The following LMBRD1 variants were observed in gnomAD, a reference collection of about 807,000 sequenced individuals.
LMBRD1 encodes lysosomal cobalamin transport escort protein LMBD1.
A neutral mutation model predicts 74.8 loss-of-function variants in LMBRD1; 64 were observed. The ratio of observed to expected loss-of-function variants is 0.86; its 90% CI spans 0.70 to 1.05. The LOEUF is 1.05. LMBRD1 is among the 50% of genes least tolerant of loss of function. LMBRD1 has a pLI of 0.00. For missense variants in LMBRD1, 652 were observed against 645.9 expected (o/e 1.01, Z -0.10); for synonymous variants, 204 against 216.3 (o/e 0.94, Z 0.50).
rs1231643024 is a variant in LMBRD1, at chr6:69,741,382, C to CT, written c.562+406dup. Among the ~76,000 whole-genome samples, 697 of 144,966 alleles carry CT rather than the reference C, an allele frequency of 4.8e-3. 2 individuals carry two copies. Among genetic ancestry groups the CT allele is most frequent in the Admixed American group, 6.7e-3 (97 of 14,500 alleles). On this transcript the variant is annotated intron_variant, in intron 6 of 15. Transcript: ENST00000649934. ...GTTAGAAAAACTGTGGGGTTAAGTT[C>CT]TTTTTTTTTTTTGAGATGGAGTCTC... is the stretch of plus-strand genomic sequence containing the variant.
At chr6:69,692,253 G>C (rs970896045) in intron 14 of LMBRD1, among the ~76,000 whole-genome samples, 4 of 149,488 alleles carry the variant, frequency 2.7e-5, no homozygotes, top group Non-Finnish European at 5.9e-5. Flanking sequence ...TATTGGTCAT[G>C]TGATTATTTT....
At chr6:69,778,759 T>C (rs1765760184) in intron 3 of LMBRD1, among the ~76,000 whole-genome samples, 3 of 152,144 alleles carry the variant, frequency 2.0e-5, no homozygotes. Flanking sequence ...TTATTATATT[T>C]AATATATTCA....
intron 9 of LMBRD1, among the ~76,000 whole-genome samples, chr6:69,704,968 T>A (rs78679649): frequency 0.019 from 2,943 of 152,046 alleles, 100 homozygotes; most frequent in African/African-American, 0.066. Context: ...CTCTTTTTTT[T>A]AAATTTATTA....
At chr6:69,709,789 A>G (rs1305990041) in intron 9 of LMBRD1, among the ~76,000 whole-genome samples, 1 of 152,212 alleles carries the variant, frequency 6.6e-6, no homozygotes. Context: ...ATTAAACAAC[A>G]TAATTTGCAA....
intron 14 of LMBRD1, among the ~76,000 whole-genome samples, chr6:69,681,733 G>C (rs1441766144): frequency 1.3e-5 from 2 of 151,900 alleles, no homozygotes; most frequent in Non-Finnish European, 2.9e-5. Context: ...AGACTATTTA[G>C]AAGCCACTTC....
At chr6:69,795,220 A>G (rs1381280568) in intron 1 of LMBRD1, among the ~76,000 whole-genome samples, 1 of 152,240 alleles carries the variant, frequency 6.6e-6, no homozygotes, top group Non-Finnish European at 1.5e-5. Context: ...GCTTTTATCC[A>G]CGACAACATT....
chr6:69,764,312 A>C (rs930235914), intron 3 of LMBRD1, among the ~76,000 whole-genome samples: 6 of 150,120 alleles, frequency 4.0e-5, no homozygotes, highest in Non-Finnish European at 5.9e-5. Context: ...ACCAGAGTAC[A>C]TGCGCTAGAT....
chr6:69,776,500 T>A (rs986810600), intron 3 of LMBRD1, among the ~76,000 whole-genome samples: 1 of 152,244 alleles, frequency 6.6e-6, no homozygotes, highest in African/African-American at 2.4e-5. Context: ...AAAGTTATCA[T>A]GAATTAGGCA....
Position 69,701,916 on chromosome 6 carries a change from A to G in LMBRD1, c.953T>C (p.Leu318Pro). 6.2e-7 allele frequency: 1 copy of G among 1,601,556 alleles called. No individual in the cohort carries two copies. The highest frequency in any genetic ancestry group is 1.7e-4 in the Middle Eastern group (1 of 6,018). Reference sequence around the variant, plus strand: ...TGACAAGAAGAGAGAAATTACAAACAGCAATGCAACTAAGATGAAAAATAT... The same window carrying G: ...TGACAAGAAGAGAGAAATTACAAACGGCAATGCAACTAAGATGAAAAATAT... Reference protein sequence around the residue: ...WGIFFILVALLFVISLFLSNL... With the variant: ...WGIFFILVALPFVISLFLSNL... Residue 318 changes from leucine (L) to proline (P), a missense_variant, in exon 10 of 16, where the codon CTG becomes CCG. By Grantham distance (98) the Leu-to-Pro change is moderately conservative. Around this residue, in one of 3 missense-constraint regions of LMBRD1, gnomAD observed 598 missense variants for 581.8 expected, o/e 1.03. Coordinates refer to ENST00000649934, the MANE Select transcript of LMBRD1 (RefSeq NM_018368.4).
intron 14 of LMBRD1, among the ~76,000 whole-genome samples, chr6:69,679,043 C>CA (rs34383421): frequency 0.019 from 1,870 of 97,446 alleles, 32 homozygotes; most frequent in East Asian, 0.14. Context: ...CTGGTTAAAA[C>CA]AAAAAAAAAA....
chr6:69,691,354 G>A (rs1765874708), intron 14 of LMBRD1, among the ~76,000 whole-genome samples: 1 of 151,728 alleles, frequency 6.6e-6, no homozygotes, highest in African/African-American at 2.4e-5. Context: ...GATTAAACTA[G>A]CTAGATGACC....
intron 2 of LMBRD1, among the ~76,000 whole-genome samples, chr6:69,782,687 C>CA (rs57114525): frequency 1.4e-4 from 21 of 146,908 alleles, no homozygotes; most frequent in African/African-American, 2.5e-4. Flanking sequence ...TCTCAAGAAA[C>CA]AAAAAAAAAA....
chr6:69,738,115 A>G, intron 6 of LMBRD1, 100 bp from the exon 7 acceptor site: 1 of 876,672 alleles, frequency 1.1e-6, no homozygotes, highest in Non-Finnish European at 1.8e-6. Context: ...ACACATTTTG[A>G]AGAAATAAAA....
At chr6:69,738,632 A>C (rs1767028165) in intron 6 of LMBRD1, among the ~76,000 whole-genome samples, 1 of 151,830 alleles carries the variant, frequency 6.6e-6, no homozygotes, top group Admixed American at 6.6e-5. Context: ...ACACACACAA[A>C]ATACTATGCT....
rs1225654698 is a variant in LMBRD1 at position 69,701,500 on chromosome 6, T to A, written c.1026A>T (p.Ile342=). The change falls in exon 11 of 16, where the codon ATA becomes ATT. Residue 342 remains isoleucine, a synonymous_variant. Transcript: ENST00000649934. The part of the protein sequence containing the change: ...LHSAGIDSGF[I]IFGANLSNPL... Reference sequence around the variant, plus strand: ...GATTACTCAGGTTAGCTCCAAAAATTATGAAACCAGAATCTATTCCAGCTG... The same window carrying A: ...GATTACTCAGGTTAGCTCCAAAAATAATGAAACCAGAATCTATTCCAGCTG... 1 of 1,608,724 alleles carries A rather than the reference T, an allele frequency of 6.2e-7. No individual in the cohort carries two copies. The highest frequency in any genetic ancestry group is 1.3e-5 in the African/African-American group (1 of 74,830).
At chr6:69,788,483 G>A (rs919691969) in intron 2 of LMBRD1, among the ~76,000 whole-genome samples, 1 of 151,996 alleles carries the variant, frequency 6.6e-6, no homozygotes, top group Admixed American at 6.6e-5. Flanking sequence ...TCTTATCCAA[G>A]AAACAAAGCG....
chr6:69,675,030 G>A lies in LMBRD1; in HGVS notation c.*1128C>T, dbSNP rs567460618. Among the ~76,000 whole-genome samples, 8 of 152,166 alleles carry A rather than the reference G, an allele frequency of 5.3e-5. No homozygotes were observed. In the South Asian group the frequency reaches 1.2e-3, roughly 24 times the overall value. ...GAACAGAAGGGAATGAAATCCTGGT[G>A]AATAATGCTAAAGGGTAGTTGCAGA... On this transcript the variant is annotated 3_prime_UTR_variant, in exon 16 of 16. Transcript: ENST00000649934.
At chr6:69,690,222 T>A (rs1429192821) in intron 14 of LMBRD1, among the ~76,000 whole-genome samples, 1 of 152,134 alleles carries the variant, frequency 6.6e-6, no homozygotes, top group Non-Finnish European at 1.5e-5. Context: ...TCATCCAGTC[T>A]CACAACTTTA....
intron 2 of LMBRD1, among the ~76,000 whole-genome samples, chr6:69,781,235 T>G (rs955175442): frequency 7.2e-5 from 11 of 152,320 alleles, no homozygotes; most frequent in Non-Finnish European, 1.5e-4. Flanking sequence ...ATAATTCAAA[T>G]TAATCTTTTC....
Sources: gnomAD v4.1 joint callset for allele counts (sites outside exome capture counted in the v4.1 genomes callset) on GRCh38, gnomAD v4.1.1 for gene constraint, gnomAD v4.1.1 regional missense constraint, MANE v1.5 for transcripts, NCBI Gene and HGNC (gene_info 2026-07-23, HGNC 2026-07-21) for gene names.